Variants in SMOC2 observed in about 807,000 individuals in gnomAD.
The protein encoded by SMOC2 is SPARC-related modular calcium-binding protein 2.
A neutral mutation model predicts 61.4 loss-of-function variants in SMOC2; 39 were observed. That is an observed-to-expected ratio of 0.64 (90% CI 0.49 to 0.83). The LOEUF (loss-of-function observed/expected upper bound fraction) is 0.83. Ranked by LOEUF, SMOC2 falls within the 40% of genes least tolerant of loss-of-function variation. The pLI, the probability that SMOC2 is intolerant of heterozygous loss-of-function variation, is 0.00. For synonymous variants in SMOC2, 247 were observed against 239.9 expected, an observed-to-expected ratio of 1.03 and a Z score of -0.27; for missense variants, 556 against 592.9, an observed-to-expected ratio of 0.94 and a Z score of 0.65.
rs780743844 is a variant in SMOC2, at chr6:168,608,149, G to T, written c.825-8G>T. 2 of 1,609,156 alleles carry T rather than the reference G, an allele frequency of 1.2e-6. No homozygotes were observed. The highest frequency in any genetic ancestry group is 1.7e-6 in the Non-Finnish European group (2 of 1,177,788). ...TCTCTCCTTCCCCCGCCTTCCCCCC[G>T]CCCATAGGTACGAGCAGCCGAAATG... On this transcript the variant is annotated splice_region_variant and splice_polypyrimidine_tract_variant and intron_variant, in intron 8 of 12. Coordinates refer to ENST00000356284, the MANE Select transcript of SMOC2 (RefSeq NM_001166412.2).
At chr6:168,460,761 C>A (rs889480950) in intron 1 of SMOC2, among the ~76,000 whole-genome samples, 2 of 152,170 alleles carry the variant, frequency 1.3e-5, no homozygotes, top group Non-Finnish European at 2.9e-5. Context: ...ATCTTACATC[C>A]ATTATGAAGA....
In SMOC2 at chr6:168,452,264, A is replaced by T. The variant is rs1781483168; in HGVS notation, c.84+10810A>T. Among the ~76,000 whole-genome samples the T allele has an allele frequency of 6.6e-6, 1 of 152,214 alleles. No individual in the cohort carries two copies. Among genetic ancestry groups the T allele is most frequent in the African/African-American group, 2.4e-5 (1 of 41,452 alleles). ...GATGTTTCTACTGTCTTTATTTAGA[A>T]GTCTGGGATATGCATGTTACATTCA... is the stretch of plus-strand genomic sequence containing the variant. On this transcript the variant is annotated intron_variant, in intron 1 of 12. Transcript: ENST00000356284. This position sits in a 1 kb window ranked among gnomAD's most constrained non-coding sequence, Gnocchi z 5.0.
chr6:168,446,681 C>T (rs1781339925), intron 1 of SMOC2, among the ~76,000 whole-genome samples: 2 of 152,152 alleles, frequency 1.3e-5, no homozygotes, highest in Non-Finnish European at 2.9e-5. Flanking sequence ...AGAAATTGCT[C>T]TGAAAGTGAA....
chr6:168,452,600 A>T lies in SMOC2; in HGVS notation c.84+11146A>T, dbSNP rs74496443. 0.064 allele frequency among the ~76,000 whole-genome samples: 9,818 copies of T among 152,322 alleles called. 382 individuals carry two copies. The highest frequency in any genetic ancestry group is 0.093 in the Non-Finnish European group (6,322 of 68,024). On this transcript the variant is annotated intron_variant, in intron 1 of 12. Transcript: ENST00000356284. This position sits in a 1 kb window ranked among gnomAD's most constrained non-coding sequence, Gnocchi z 5.0. ...ACCCAAAAGAACAATAAGTGCAGCA[A>T]ATCAAAATTTCTGTGCTCAGATATT...
intron 7 of SMOC2, among the ~76,000 whole-genome samples, chr6:168,559,192 G>A (rs537168357): frequency 6.6e-6 from 1 of 152,158 alleles, no homozygotes; most frequent in South Asian, 2.1e-4. Flanking sequence ...GTGGTGTCTC[G>A]TGCCTGTAAT....
intron 7 of SMOC2, among the ~76,000 whole-genome samples, chr6:168,581,334 C>T (rs985486959): frequency 5.9e-5 from 9 of 152,236 alleles, no homozygotes; most frequent in Non-Finnish European, 1.3e-4. Flanking sequence ...AAAACCCCTA[C>T]GGGGACATCT....
intron 1 of SMOC2, among the ~76,000 whole-genome samples, chr6:168,476,915 T>A (rs1445291348): frequency 6.6e-6 from 1 of 151,036 alleles, no homozygotes; most frequent in Non-Finnish European, 1.5e-5. Flanking sequence ...AGCACGTCAC[T>A]CCTTCAAGTT....
In SMOC2 at chr6:168,600,177, G is replaced by A. The variant is rs558836465; in HGVS notation, c.824+1173G>A. Among the ~76,000 whole-genome samples, 156 of 152,116 alleles carry A rather than the reference G, an allele frequency of 1.0e-3. 1 individual carries two copies. Among genetic ancestry groups the A allele is most frequent in the Non-Finnish European group, 1.9e-3 (126 of 67,982 alleles). The stretch of plus-strand genomic sequence containing the variant: ...TCCCAGAACCGTGGGAGGCCGAGGC[G>A]GGTGGATCACCTGAGGTCAAGAGTT... On this transcript the variant is annotated intron_variant, in intron 8 of 12. Coordinates refer to ENST00000356284, the MANE Select transcript of SMOC2 (RefSeq NM_001166412.2).
chr6:168,624,743 TCA>T (rs907687111), intron 9 of SMOC2, among the ~76,000 whole-genome samples: 5 of 148,686 alleles, frequency 3.4e-5, no homozygotes, highest in Admixed American at 6.7e-5. Context: ...CAATACAGAT[TCA>T]CACACACTCA....
intron 2 of SMOC2, among the ~76,000 whole-genome samples, chr6:168,519,987 T>TA (rs11380009): frequency 0.11 from 16,646 of 152,204 alleles, 1,076 homozygotes; most frequent in South Asian, 0.19. Context: ...AGAGAATACT[T>TA]ACGTAAAACG....
chr6:168,573,048 CG>C (rs1274035742), intron 7 of SMOC2, among the ~76,000 whole-genome samples: 1 of 101,874 alleles, frequency 9.8e-6, no homozygotes, highest in Admixed American at 8.9e-5. Context: ...ATTTCCTCCC[CG>C]CATCCCCGGG....
chr6:168,553,682 A>G lies in SMOC2; in HGVS notation c.637+4479A>G, dbSNP rs115454251. 4.6e-3 allele frequency among the ~76,000 whole-genome samples: 695 copies of G among 152,328 alleles called. 3 individuals are homozygous for G. Among genetic ancestry groups the G allele is most frequent in the African/African-American group, 0.016 (671 of 41,574 alleles). ...TCCCCTCTAGACAGAAAAGCATATG[A>G]TCGTGGCATGTCAAAGCCAAGGAGG... On this transcript the variant is annotated intron_variant, in intron 7 of 12. Transcript: ENST00000356284. This position sits in a 1 kb window ranked among gnomAD's most constrained non-coding sequence, Gnocchi z 4.2.
At chr6:168,525,141 CA>C (rs1306404703) in intron 2 of SMOC2, among the ~76,000 whole-genome samples, 4 of 152,028 alleles carry the variant, frequency 2.6e-5, no homozygotes, top group African/African-American at 9.7e-5. Flanking sequence ...GCCATTTTTT[CA>C]AGTTTTAAAA....
At chr6:168,665,977 A>G (rs1253797911) in intron 12 of SMOC2, among the ~76,000 whole-genome samples, 1 of 152,086 alleles carries the variant, frequency 6.6e-6, no homozygotes, top group Non-Finnish European at 1.5e-5. Flanking sequence ...TTATCATTAT[A>G]ATAAGCAAAC....
chr6:168,523,584 A>G (rs917016380), intron 2 of SMOC2, among the ~76,000 whole-genome samples: 2 of 149,996 alleles, frequency 1.3e-5, no homozygotes, highest in Non-Finnish European at 3.0e-5. Flanking sequence ...TATTTTTAGT[A>G]GAGACGGGGT....
intron 8 of SMOC2, among the ~76,000 whole-genome samples, chr6:168,604,259 TCTG>T (rs1785630887): frequency 6.6e-6 from 1 of 152,222 alleles, no homozygotes; most frequent in South Asian, 2.1e-4. Flanking sequence ...TCCCTAGAAT[TCTG>T]CTAGCAAATT....
intron 8 of SMOC2, among the ~76,000 whole-genome samples, chr6:168,599,559 CAT>C (rs1468046944): frequency 1.6e-3 from 36 of 23,010 alleles, no homozygotes; most frequent in Non-Finnish European, 2.5e-3. Context: ...CTCATACCCC[CAT>C]ACACACCCAC....
At chr6:168,489,758 G>A (rs1184606738) in intron 1 of SMOC2, among the ~76,000 whole-genome samples, 1 of 151,678 alleles carries the variant, frequency 6.6e-6, no homozygotes, top group Non-Finnish European at 1.5e-5. Flanking sequence ...AAATCGTCTG[G>A]GTCCTCTTGG....
At chr6:168,531,524 T>G (rs1043888255) in intron 4 of SMOC2, among the ~76,000 whole-genome samples, 2 of 152,164 alleles carry the variant, frequency 1.3e-5, no homozygotes, top group African/African-American at 4.8e-5. Flanking sequence ...GACACATCCC[T>G]GAGCCTGAGG....
Sources: gnomAD v4.1 joint callset for allele counts (sites outside exome capture counted in the v4.1 genomes callset) on GRCh38, gnomAD v4.1.1 for gene constraint, Gnocchi (gnomAD v3.1) non-coding constraint, MANE v1.5 for transcripts, NCBI Gene and HGNC (gene_info 2026-07-23, HGNC 2026-07-21) for gene names.